The following NELL2 variants were observed in gnomAD, a reference collection of about 807,000 sequenced individuals.
NELL2 encodes protein kinase C-binding protein NELL2.
In NELL2, 41 loss-of-function variants were observed where a neutral mutation model predicts 109.6. The observed-to-expected ratio is 0.37, with a 90% CI of 0.29 to 0.49. The LOEUF (loss-of-function observed/expected upper bound fraction) is 0.49, where lower values mean the gene tolerates loss of function less well. Among genes scored for constraint, NELL2 ranks in the 20% least tolerant of loss-of-function variants. The probability of loss-of-function intolerance (pLI) is 0.98; values close to 1 mark genes in which losing one functional copy is unlikely to be tolerated. For missense variants in NELL2, 900 were observed against 1,008.3 expected (o/e 0.89, Z 1.45); for synonymous variants, 355 against 344.7 (o/e 1.03, Z -0.33).
intron 13 of NELL2, among the ~76,000 whole-genome samples, chr12:44,637,943 C>T (rs1472178107): frequency 6.6e-6 from 1 of 152,004 alleles, no homozygotes; most frequent in African/African-American, 2.4e-5. Context: ...ATTGGTCCAA[C>T]CTGTTTCACT....
At chr12:44,781,311 T>A (rs1319585577) in intron 3 of NELL2, among the ~76,000 whole-genome samples, 1 of 151,764 alleles carries the variant, frequency 6.6e-6, no homozygotes, top group African/African-American at 2.4e-5. Context: ...GAATCAGTTA[T>A]CTGGAAGACA....
At chr12:44,664,569 G>A (rs1181762377) in intron 13 of NELL2, among the ~76,000 whole-genome samples, 1 of 151,984 alleles carries the variant, frequency 6.6e-6, no homozygotes, top group African/African-American at 2.4e-5. Flanking sequence ...TTACTAGGGA[G>A]GATTATGGAG....
At chr12:44,686,495 T>C (rs371851146) in intron 12 of NELL2, among the ~76,000 whole-genome samples, 1 of 151,880 alleles carries the variant, frequency 6.6e-6, no homozygotes, top group Admixed American at 6.6e-5. Context: ...GGCGCTCTGC[T>C]TTTTAGAGTT....
chr12:44,535,168 G>C (rs1450020900), intron 15 of NELL2, among the ~76,000 whole-genome samples: 1 of 151,874 alleles, frequency 6.6e-6, no homozygotes, highest in East Asian at 1.9e-4. Flanking sequence ...TAAACTTTGG[G>C]CATTATCTTA....
At chr12:44,877,907 A>T (rs1355500608), upstream of NELL2, among the ~76,000 whole-genome samples, 2 of 152,222 alleles carry the variant, frequency 1.3e-5, no homozygotes, top group Admixed American at 1.3e-4. Flanking sequence ...AATTTAATTA[A>T]TCAATGAAAA....
intron 15 of NELL2, among the ~76,000 whole-genome samples, chr12:44,544,880 T>C (rs1275789949): frequency 6.6e-6 from 1 of 151,822 alleles, no homozygotes; most frequent in Non-Finnish European, 1.5e-5. Flanking sequence ...TTAGACCCAA[T>C]TTGATGAAAG....
At chr12:44,741,230 ATT>A (rs1287073521) in intron 9 of NELL2, among the ~76,000 whole-genome samples, 2 of 152,022 alleles carry the variant, frequency 1.3e-5, no homozygotes, top group Non-Finnish European at 2.9e-5. Context: ...TCTTAATAAC[ATT>A]TTCTTTTCTT....
At chr12:44,818,172 T>C (rs1467301376) in intron 2 of NELL2, among the ~76,000 whole-genome samples, 4 of 152,206 alleles carry the variant, frequency 2.6e-5, no homozygotes, top group Non-Finnish European at 5.9e-5. Flanking sequence ...ACATTCCTCT[T>C]AGCTCCAAAA....
chr12:44,806,093 C>A (rs1296138402), intron 3 of NELL2, among the ~76,000 whole-genome samples: 5 of 147,582 alleles, frequency 3.4e-5, no homozygotes, highest in Non-Finnish European at 7.6e-5. Context: ...GACTGCACAT[C>A]ATTTAAGAAA....
intron 2 of NELL2, among the ~76,000 whole-genome samples, chr12:44,869,716 G>A (rs554380568): frequency 7.0e-4 from 107 of 152,136 alleles, no homozygotes; most frequent in Non-Finnish European, 1.2e-3. Context: ...CAATGTAACT[G>A]AATACTCTGA....
At chr12:44,799,094 G>A (rs1002083196) in intron 3 of NELL2, among the ~76,000 whole-genome samples, 6 of 151,498 alleles carry the variant, frequency 4.0e-5, no homozygotes, top group Admixed American at 4.0e-4. Flanking sequence ...GAGTAGCTAG[G>A]ACTACAGATG....
At chr12:44,853,924 A>G (rs1239125668) in intron 2 of NELL2, among the ~76,000 whole-genome samples, 1 of 152,194 alleles carries the variant, frequency 6.6e-6, no homozygotes, top group Non-Finnish European at 1.5e-5. Context: ...GGAGCATTGC[A>G]TCTCATTGGT....
intron 15 of NELL2, among the ~76,000 whole-genome samples, chr12:44,594,927 C>T (rs902231653): frequency 2.6e-5 from 4 of 152,062 alleles, no homozygotes; most frequent in Admixed American, 6.5e-5. Flanking sequence ...CACAGAGTCC[C>T]CCTTCTCATC....
chr12:44,595,593 A>ATTTTTTTT (rs57566164), intron 15 of NELL2, among the ~76,000 whole-genome samples: 16 of 121,302 alleles, frequency 1.3e-4, no homozygotes, highest in Non-Finnish European at 1.9e-4. Context: ...CACCCAGCTA[A>ATTTTTTTT]TTTTTTTTTT....
chr12:44,634,254 C>T (rs2084843), intron 13 of NELL2, among the ~76,000 whole-genome samples: 88,574 of 151,844 alleles, frequency 0.58, 26,406 homozygotes, highest in East Asian at 0.73. Context: ...ACATGTGTCA[C>T]GGTGGTTTGC....
intron 12 of NELL2, among the ~76,000 whole-genome samples, chr12:44,690,600 CA>C (rs61612665): frequency 0.028 from 4,218 of 151,720 alleles, 92 homozygotes; most frequent in Middle Eastern, 0.069. Context: ...TAACAAAGCA[CA>C]AAAACATCAA....
rs990148427 is a variant in NELL2, at chr12:44,517,455, G to A, written c.2400+2550C>T. Among the ~76,000 whole-genome samples the A allele has an allele frequency of 1.0e-4, 15 of 146,232 alleles. No homozygotes were observed. The South Asian group carries it at 2.9e-3, about 28-fold the overall frequency. ...TCTTGCCATGTGAAATGCCTTCCCC[G>A]AAGCAGACCATGGTACTGTTTCCTA... On this transcript the variant is annotated intron_variant, in intron 19 of 19. Transcript: ENST00000429094.
intron 15 of NELL2, among the ~76,000 whole-genome samples, chr12:44,552,607 A>G (rs964636042): frequency 1.3e-5 from 2 of 152,102 alleles, no homozygotes; most frequent in African/African-American, 4.8e-5. Context: ...ACTAATATTT[A>G]TTTTATTATT....
At chr12:44,568,356 T>C (rs1014641383) in intron 15 of NELL2, among the ~76,000 whole-genome samples, 3 of 152,194 alleles carry the variant, frequency 2.0e-5, no homozygotes, top group Admixed American at 2.0e-4. Flanking sequence ...TTCGTTTTTA[T>C]ATAATTAGGC....
Sources: allele counts gnomAD v4.1 joint callset (sites outside exome capture counted in the v4.1 genomes callset), GRCh38; gene constraint gnomAD v4.1.1; transcripts MANE v1.5; gene names NCBI Gene and HGNC (gene_info 2026-07-23, HGNC 2026-07-21).